Variants in MDGA2 observed in about 807,000 individuals in gnomAD.
MDGA2 encodes the protein MAM domain-containing glycosylphosphatidylinositol anchor protein 2.
MDGA2 carries 40 observed loss-of-function variants against 117.8 expected under a neutral mutation model. The ratio of observed to expected loss-of-function variants is 0.34; its 90% confidence interval spans 0.26 to 0.44. MDGA2 has a LOEUF of 0.44. Ranked by LOEUF, MDGA2 falls within the 20% of genes least tolerant of loss-of-function variation. The pLI is 1.00. For synonymous variants in MDGA2, 452 were observed against 439.0 expected (o/e 1.03, Z -0.37); for missense variants, 1,123 against 1,250.6 (o/e 0.90, Z 1.54).
chr14:47,549,019 G>T (rs1346442181), intron 1 of MDGA2, among the ~76,000 whole-genome samples: 1 of 152,116 alleles, frequency 6.6e-6, no homozygotes, highest in Non-Finnish European at 1.5e-5. Flanking sequence ...CATAGAACTT[G>T]TGAATGGGGC....
chr14:46,893,664 A>G (rs1316503899), intron 10 of MDGA2, among the ~76,000 whole-genome samples: 2 of 152,078 alleles, frequency 1.3e-5, no homozygotes, highest in African/African-American at 4.8e-5. Context: ...ACAAATTTAA[A>G]AATTATTAAT....
At chr14:46,921,440 C>T (rs1884125120) in intron 9 of MDGA2, among the ~76,000 whole-genome samples, 1 of 145,162 alleles carries the variant, frequency 6.9e-6, no homozygotes, top group East Asian at 2.0e-4. Flanking sequence ...AATGTCTCTA[C>T]CAGAAAAAGA....
chr14:47,361,292 T>C (rs1464800940), intron 1 of MDGA2, among the ~76,000 whole-genome samples: 1 of 151,212 alleles, frequency 6.6e-6, no homozygotes, highest in Non-Finnish European at 1.5e-5. Context: ...GGTACAACCA[T>C]GTGAAGAGTC....
chr14:47,210,962 AAC>A (rs1218181509), intron 3 of MDGA2, among the ~76,000 whole-genome samples: 3 of 152,208 alleles, frequency 2.0e-5, no homozygotes, highest in Non-Finnish European at 2.9e-5. Context: ...GAGCCTAGGT[AAC>A]ACAGCAAACC....
chr14:47,197,720 C>T (rs1395490155), intron 3 of MDGA2, among the ~76,000 whole-genome samples: 1 of 152,028 alleles, frequency 6.6e-6, no homozygotes, highest in East Asian at 1.9e-4. Flanking sequence ...ACCAGCCTGA[C>T]GAACATGGTG....
chr14:46,982,946 T>C (rs946276678), intron 8 of MDGA2, among the ~76,000 whole-genome samples: 2 of 152,122 alleles, frequency 1.3e-5, no homozygotes, highest in South Asian at 2.1e-4. Flanking sequence ...TGTGGGTTTG[T>C]TGTAGATAGC....
At chr14:47,155,666 GGC>G (rs146763063) in intron 3 of MDGA2, among the ~76,000 whole-genome samples, 27,716 of 151,670 alleles carry the variant, frequency 0.18, 2,727 homozygotes, top group Non-Finnish European at 0.19. Flanking sequence ...ACCGTTCCAT[GGC>G]TGGCTCACCC....
intron 1 of MDGA2, among the ~76,000 whole-genome samples, chr14:47,541,647 A>G (rs1388918639): frequency 6.6e-6 from 1 of 152,208 alleles, no homozygotes; most frequent in African/African-American, 2.4e-5. Context: ...AATCAGAAAA[A>G]AAGTGGGGAG....
At chr14:47,340,572 G>C (rs77114677) in intron 1 of MDGA2, among the ~76,000 whole-genome samples, 168 of 152,202 alleles carry the variant, frequency 1.1e-3, no homozygotes, top group African/African-American at 3.9e-3. Flanking sequence ...TCACTTGTTA[G>C]TGCCAAAACC....
Position 47,121,728 on chromosome 14 carries a change from G to A in MDGA2, c.925+9986C>T, listed in dbSNP as rs549806640. Among the ~76,000 whole-genome samples the A allele has an allele frequency of 3.3e-5, 5 of 152,134 alleles. No individual in the cohort carries two copies. In the East Asian group the frequency reaches 9.7e-4, roughly 30 times the overall value. On this transcript the variant is annotated intron_variant, in intron 5 of 16. Coordinates refer to ENST00000399232, the MANE Select transcript of MDGA2 (RefSeq NM_001113498.3). ...AGTGAGGTATGAATCTGGGGAAACTGGTACTGTAAATGCCTTACAGCTTGG... is the reference window on the plus strand; with the variant it reads ...AGTGAGGTATGAATCTGGGGAAACTAGTACTGTAAATGCCTTACAGCTTGG...
chr14:47,388,868 C>T (rs567298838), intron 1 of MDGA2, among the ~76,000 whole-genome samples: 24 of 152,156 alleles, frequency 1.6e-4, no homozygotes, highest in Non-Finnish European at 2.4e-4. Flanking sequence ...CACACTCAGC[C>T]TCCTTGCAGT....
In MDGA2 at chr14:47,316,601, ATAAC is replaced by A. The variant is rs528869112; in HGVS notation, c.281-15055_281-15052del. ...ATATATAAAAATAAGGAAATATCTA[ATAAC>A]TAACTAGCAGGCTTATCAAGAGAGA... On this transcript the variant is annotated intron_variant, in intron 1 of 16. Transcript: ENST00000399232. Among the ~76,000 whole-genome samples the A allele has an allele frequency of 1.4e-3, 209 of 152,222 alleles. 2 individuals carry two copies. Among genetic ancestry groups the A allele is most frequent in the Middle Eastern group, 3.4e-3 (1 of 294 alleles).
At chr14:47,618,420 A>T (rs1189614628) in intron 1 of MDGA2, among the ~76,000 whole-genome samples, 1 of 152,098 alleles carries the variant, frequency 6.6e-6, no homozygotes, top group East Asian at 1.9e-4. Context: ...CTACCTGTCC[A>T]TCAAGTCTGT....
chr14:46,876,707 A>G (rs1882244832), intron 12 of MDGA2, among the ~76,000 whole-genome samples: 1 of 151,236 alleles, frequency 6.6e-6, no homozygotes, highest in African/African-American at 2.4e-5. Context: ...AAACAAAACA[A>G]AAAAAAACTC....
At chr14:47,204,497 G>C (rs929898437) in intron 3 of MDGA2, among the ~76,000 whole-genome samples, 1 of 151,832 alleles carries the variant, frequency 6.6e-6, no homozygotes, top group Non-Finnish European at 1.5e-5. Flanking sequence ...CTTCATTTTA[G>C]GTATACTTTG....
At chr14:47,078,901 T>C (rs559701854) in intron 6 of MDGA2, among the ~76,000 whole-genome samples, 14 of 152,202 alleles carry the variant, frequency 9.2e-5, no homozygotes, top group South Asian at 6.2e-4. Context: ...ATTCCTCCTA[T>C]CTAACTGAAA....
intron 10 of MDGA2, among the ~76,000 whole-genome samples, chr14:46,907,484 A>G (rs554879811): frequency 6.6e-6 from 1 of 152,324 alleles, no homozygotes; most frequent in East Asian, 1.9e-4. Flanking sequence ...TATTGTTCTC[A>G]TAATATACCA....
At position 47,537,470 on chromosome 14, in the gene MDGA2, C is replaced by A. The variant is rs61105631; in HGVS notation, c.280+137047G>T. ...TAGAGTATAATAATAAAAAAAAATT[C>A]TGCCAACTGTTGTACATGAAAGAAA... is the stretch of plus-strand genomic sequence containing the variant. On this transcript the variant is annotated intron_variant, in intron 1 of 16. Coordinates refer to ENST00000399232, the MANE Select transcript of MDGA2 (RefSeq NM_001113498.3). Among the ~76,000 whole-genome samples the A allele has an allele frequency of 2.0e-5, 3 of 147,194 alleles. No individual in the cohort carries two copies. The East Asian group carries it at 6.2e-4, about 30-fold the overall frequency.
chr14:47,409,202 G>A (rs568889726), intron 1 of MDGA2, among the ~76,000 whole-genome samples: 22 of 152,318 alleles, frequency 1.4e-4, no homozygotes, highest in Non-Finnish European at 2.1e-4. Context: ...TGTGGCTGCT[G>A]TATTGAACAT....
Sources: gnomAD v4.1 joint callset for allele counts (sites outside exome capture counted in the v4.1 genomes callset) on GRCh38, gnomAD v4.1.1 for gene constraint, MANE v1.5 for transcripts, NCBI Gene and HGNC (gene_info 2026-07-23, HGNC 2026-07-21) for gene names.